Variants in SPATA6L observed in about 807,000 individuals in gnomAD.
SPATA6L encodes spermatogenesis associated 6 like.
SPATA6L carries 68 observed loss-of-function variants against 49.2 expected under a neutral mutation model. The observed-to-expected ratio is 1.38, with a 90% CI of 1.14 to 1.69. The LOEUF is 1.69. SPATA6L is among the 40% of genes most tolerant of loss of function. SPATA6L has a pLI of 0.00. For synonymous variants in SPATA6L, 198 were observed against 165.7 expected, an observed-to-expected ratio of 1.19 and a Z score of -1.50; for missense variants, 668 against 464.3, an observed-to-expected ratio of 1.44 and a Z score of -4.03.
At chr9:4,607,590 A>G (rs1825613256) in intron 9 of SPATA6L, among the ~76,000 whole-genome samples, 1 of 152,166 alleles carries the variant, frequency 6.6e-6, no homozygotes, top group Non-Finnish European at 1.5e-5. Flanking sequence ...AGACAAGCAA[A>G]TGCTCAGAGA....
At chr9:4,666,089 G>T in intron 1 of SPATA6L, 123 bp downstream of exon 1, 1 of 893,000 alleles carries the variant, frequency 1.1e-6, no homozygotes, top group Non-Finnish European at 1.9e-6. Flanking sequence ...GGTGCGATCT[G>T]TCCCAGAAGA....
intron 2 of SPATA6L, among the ~76,000 whole-genome samples, chr9:4,661,027 G>C (rs182493557): frequency 1.3e-5 from 2 of 152,204 alleles, no homozygotes; most frequent in East Asian, 3.9e-4. Flanking sequence ...ACAGGGGCCT[G>C]TCGTGGGGTG....
At chr9:4,638,562 C>A (rs1015371659) in intron 3 of SPATA6L, among the ~76,000 whole-genome samples, 9 of 152,074 alleles carry the variant, frequency 5.9e-5, no homozygotes, top group Non-Finnish European at 4.4e-5. Flanking sequence ...CTAGTCTCAT[C>A]CTGGCCTTCT....
rs1310906032 is a variant in SPATA6L at position 4,617,905 on chromosome 9, T to C, written c.995+18A>G. On this transcript the variant is annotated intron_variant, in intron 9 of 11. Coordinates refer to ENST00000682582, the MANE Select transcript of SPATA6L (RefSeq NM_001353486.2). Reference sequence around the variant, plus strand: ...ACAATGCACTCGTCAGGCAAACAGATGGGTGCTTGCCACTGACCTTTCTCT... The same window carrying C: ...ACAATGCACTCGTCAGGCAAACAGACGGGTGCTTGCCACTGACCTTTCTCT... 1.3e-6 allele frequency: 2 copies of C among 1,576,964 alleles called. No individual in the cohort carries two copies. The highest frequency in any genetic ancestry group is 1.2e-5 in the South Asian group (1 of 84,874).
intron 4 of SPATA6L, among the ~76,000 whole-genome samples, chr9:4,633,969 A>C (rs971213079): frequency 6.6e-6 from 1 of 152,256 alleles, no homozygotes; most frequent in African/African-American, 2.4e-5. Flanking sequence ...CCACACATTT[A>C]AAAAACCCTT....
At chr9:4,643,919 A>G (rs1834635556) in intron 3 of SPATA6L, among the ~76,000 whole-genome samples, 1 of 152,254 alleles carries the variant, frequency 6.6e-6, no homozygotes, top group East Asian at 1.9e-4. Flanking sequence ...AGGCAGGAGA[A>G]TCACTTGAAC....
chr9:4,607,908 T>G (rs1435938567), intron 9 of SPATA6L, among the ~76,000 whole-genome samples: 19 of 151,334 alleles, frequency 1.3e-4, no homozygotes, highest in African/African-American at 1.5e-4. Context: ...CCATCTCACG[T>G]GCAGAGACAC....
downstream of SPATA6L, among the ~76,000 whole-genome samples, chr9:4,597,575 T>C (rs562725590): frequency 1.3e-5 from 2 of 152,302 alleles, no homozygotes; most frequent in South Asian, 4.1e-4. Context: ...TATGTGAAAT[T>C]AAGCATAGGT....
At chr9:4,613,755 TG>T (rs1827321570) in intron 9 of SPATA6L, among the ~76,000 whole-genome samples, 1 of 152,100 alleles carries the variant, frequency 6.6e-6, no homozygotes. Flanking sequence ...AGCGAATTTT[TG>T]TATTTTTCGT....
intron 9 of SPATA6L, among the ~76,000 whole-genome samples, chr9:4,607,801 T>C (rs1586988739): frequency 6.6e-6 from 1 of 150,678 alleles, no homozygotes; most frequent in African/African-American, 2.5e-5. Context: ...ACAATATTAA[T>C]TTTAAATGTA....
chr9:4,629,191 C>G lies in SPATA6L; in HGVS notation c.352-23G>C, dbSNP rs776894231. The G allele has an allele frequency of 3.3e-6, 5 of 1,528,732 alleles. No homozygotes were observed. The East Asian group carries it at 1.1e-4, about 35-fold the overall frequency. 94.7% of individuals were successfully genotyped at this position (1,528,732 alleles called of 1,614,324 possible). A position where few individuals can be genotyped will look rare whatever the true frequency, so the allele number is the denominator to read the frequency against. On this transcript the variant is annotated intron_variant, in intron 4 of 11. Transcript: ENST00000682582. Reference sequence around the variant, plus strand: ...GCCCTATAAAACAGCATAAAAAAAGCAAATAAAATTACTAGAAACAGTTCT... The same window carrying G: ...GCCCTATAAAACAGCATAAAAAAAGGAAATAAAATTACTAGAAACAGTTCT...
At chr9:4,602,673 C>A (rs1263066842) in intron 11 of SPATA6L, among the ~76,000 whole-genome samples, 1 of 152,172 alleles carries the variant, frequency 6.6e-6, no homozygotes, top group Non-Finnish European at 1.5e-5. Flanking sequence ...CCAATGCCCA[C>A]GAACTCTGCT....
At chr9:4,630,348 T>A (rs910257995) in intron 4 of SPATA6L, among the ~76,000 whole-genome samples, 1 of 152,160 alleles carries the variant, frequency 6.6e-6, no homozygotes, top group African/African-American at 2.4e-5. Context: ...TAAAGAGACA[T>A]TAAGGCAATT....
chr9:4,654,520 G>A (rs1837652072), intron 3 of SPATA6L, among the ~76,000 whole-genome samples: 1 of 152,172 alleles, frequency 6.6e-6, no homozygotes. Flanking sequence ...CTACCATGTC[G>A]CAAGGACAGA....
At chr9:4,660,587 A>T (rs1034284307) in intron 2 of SPATA6L, among the ~76,000 whole-genome samples, 6 of 152,250 alleles carry the variant, frequency 3.9e-5, no homozygotes, top group African/African-American at 1.2e-4. Flanking sequence ...TTGGTGGGAC[A>T]GTAAACTAGT....
intron 3 of SPATA6L, among the ~76,000 whole-genome samples, chr9:4,647,801 C>G (rs1045161120): frequency 1.3e-5 from 2 of 150,422 alleles, no homozygotes; most frequent in Non-Finnish European, 3.0e-5. Flanking sequence ...AAAGATAATT[C>G]TCACAAAATA....
chr9:4,620,644 G>A lies in SPATA6L; in HGVS notation c.773-1746C>T, dbSNP rs137912321. Among the ~76,000 whole-genome samples, 196 of 152,320 alleles carry A rather than the reference G, an allele frequency of 1.3e-3. 1 individual carries two copies. Among genetic ancestry groups the A allele is most frequent in the Middle Eastern group, 3.4e-3 (1 of 294 alleles). Reference sequence around the variant, plus strand: ...GGATTCCAAGGATCTGAGCCCAGAGGTCTGAATGTCTTCTCTAAATGTAGG... The same window carrying A: ...GGATTCCAAGGATCTGAGCCCAGAGATCTGAATGTCTTCTCTAAATGTAGG... On this transcript the variant is annotated intron_variant, in intron 7 of 11. Transcript: ENST00000682582.
intron 2 of SPATA6L, among the ~76,000 whole-genome samples, chr9:4,657,955 C>G (rs900827640): frequency 6.6e-6 from 1 of 152,086 alleles, no homozygotes; most frequent in Non-Finnish European, 1.5e-5. Context: ...TTCCCCCACC[C>G]CCAATTTTTT....
chr9:4,589,384 G>A (rs746035918), intron 13 of SPATA6L, among the ~76,000 whole-genome samples: 52 of 152,124 alleles, frequency 3.4e-4, no homozygotes, highest in Non-Finnish European at 4.7e-4. Flanking sequence ...TTTAGGATCC[G>A]TGTCCCTGAT....
Sources: allele counts gnomAD v4.1 joint callset (sites outside exome capture counted in the v4.1 genomes callset), GRCh38; gene constraint gnomAD v4.1.1; transcripts MANE v1.5; gene names NCBI Gene and HGNC (gene_info 2026-07-23, HGNC 2026-07-21).